The following MAPKAP1 variants were observed in gnomAD, a reference collection of about 807,000 sequenced individuals.
The protein encoded by MAPKAP1 is target of rapamycin complex 2 subunit MAPKAP1.
MAPKAP1 carries 20 observed loss-of-function variants against 65.7 expected under a neutral mutation model. That is an observed-to-expected ratio of 0.30 (90% CI 0.21 to 0.44). The LOEUF is 0.44. MAPKAP1 is among the 20% of genes least tolerant of loss of function. The pLI is 1.00. For synonymous variants in MAPKAP1, 222 were observed against 244.3 expected (o/e 0.91, Z 0.85); for missense variants, 423 against 648.0 (o/e 0.65, Z 3.77).
intron 7 of MAPKAP1, among the ~76,000 whole-genome samples, chr9:125,518,815 G>A (rs1377252895): frequency 6.6e-6 from 1 of 152,200 alleles, no homozygotes; most frequent in Non-Finnish European, 1.5e-5. Flanking sequence ...TAGGTGCACT[G>A]ATATGTGGAT....
chr9:125,529,177 G>GAAAAAAAAAAAAAAAAAAAAA (rs764136309), intron 7 of MAPKAP1, among the ~76,000 whole-genome samples: 1 of 99,760 alleles, frequency 1.0e-5, no homozygotes, highest in Admixed American at 1.1e-4. Context: ...TCTATCTCAG[G>GAAAAAAAAAAAAAAAAAAAAA]AAAAAAAAAA....
intron 4 of MAPKAP1, among the ~76,000 whole-genome samples, chr9:125,604,741 G>A (rs1245876035): frequency 3.9e-5 from 6 of 152,170 alleles, no homozygotes; most frequent in South Asian, 2.1e-4. Flanking sequence ...GTACGTACTC[G>A]TGCTTGTGTG....
chr9:125,607,099 T>C (rs1832459715), intron 4 of MAPKAP1, among the ~76,000 whole-genome samples: 1 of 152,196 alleles, frequency 6.6e-6, no homozygotes, highest in Non-Finnish European at 1.5e-5. Context: ...TGAAATGGCA[T>C]AGTAGATACT....
chr9:125,478,748 C>T (rs1239400761), intron 9 of MAPKAP1, among the ~76,000 whole-genome samples: 1 of 152,180 alleles, frequency 6.6e-6, no homozygotes, highest in Non-Finnish European at 1.5e-5. Context: ...TATCTGATGA[C>T]TGAGGTGTGG....
intron 8 of MAPKAP1, among the ~76,000 whole-genome samples, chr9:125,493,411 A>G (rs1263272436): frequency 1.3e-5 from 2 of 152,202 alleles, no homozygotes; most frequent in African/African-American, 2.4e-5. Flanking sequence ...TCTGGTAAGT[A>G]TCTTACATGG....
chr9:125,642,136 T>C (rs1357343795), intron 4 of MAPKAP1, among the ~76,000 whole-genome samples: 1 of 149,294 alleles, frequency 6.7e-6, no homozygotes, highest in African/African-American at 2.5e-5. Context: ...GCCCAGGAAG[T>C]CAAGGCTGTA....
intron 7 of MAPKAP1, among the ~76,000 whole-genome samples, chr9:125,516,232 T>C (rs1158179385): frequency 6.6e-6 from 1 of 152,204 alleles, no homozygotes; most frequent in Non-Finnish European, 1.5e-5. Flanking sequence ...GATGAGAGTA[T>C]TGGGGAAATT....
At chr9:125,657,847 A>T (rs1175405225) in intron 3 of MAPKAP1, 48 bp from the exon 4 acceptor site, 1 of 1,574,996 alleles carries the variant, frequency 6.3e-7, no homozygotes, top group Non-Finnish European at 8.7e-7. Flanking sequence ...CACAGAGACA[A>T]CTTGTCCACC....
intron 4 of MAPKAP1, among the ~76,000 whole-genome samples, chr9:125,591,400 C>G (rs1459889891): frequency 6.6e-6 from 1 of 152,102 alleles, no homozygotes; most frequent in African/African-American, 2.4e-5. Context: ...AGGGCAGTCA[C>G]CACTGTTTAG....
Position 125,439,159 on chromosome 9 carries a change from G to T in MAPKAP1, c.1444-147C>A. 1 of 839,822 alleles carries T rather than the reference G, an allele frequency of 1.2e-6. No individual in the cohort carries two copies. The allele number at this position is 839,822 out of a possible 1,614,324, so 52.0% of individuals were successfully genotyped here. A position where few individuals can be genotyped will look rare whatever the true frequency, so the allele number is the denominator to read the frequency against. The stretch of plus-strand genomic sequence containing the variant: ...GTGTGGAAGGAGTCCAGTCATCACA[G>T]CAACCTGGCAGCGGCTGGGCCCAGA... On this transcript the variant is annotated intron_variant, in intron 11 of 11. Coordinates refer to ENST00000265960, the MANE Select transcript of MAPKAP1 (RefSeq NM_001006617.3). The surrounding 1 kb of genome is among the most constrained non-coding windows in gnomAD (Gnocchi z 4.0).
chr9:125,614,866 C>A (rs915930485), intron 4 of MAPKAP1, among the ~76,000 whole-genome samples: 9 of 152,076 alleles, frequency 5.9e-5, no homozygotes, highest in Admixed American at 5.9e-4. Context: ...ATATCAGAAG[C>A]AAGACAATTT....
At chr9:125,635,971 A>G (rs1012757544) in intron 4 of MAPKAP1, among the ~76,000 whole-genome samples, 2 of 152,214 alleles carry the variant, frequency 1.3e-5, no homozygotes, top group African/African-American at 2.4e-5. Context: ...ATATGGCTCA[A>G]CTAGAGCAGC....
chr9:125,621,757 C>T (rs1832906363), intron 4 of MAPKAP1, among the ~76,000 whole-genome samples: 2 of 152,204 alleles, frequency 1.3e-5, no homozygotes, highest in Non-Finnish European at 2.9e-5. Flanking sequence ...ACTTCTTATA[C>T]CCCATAACTA....
intron 9 of MAPKAP1, among the ~76,000 whole-genome samples, chr9:125,478,385 T>C (rs2133018291): frequency 6.6e-6 from 1 of 152,304 alleles, no homozygotes; most frequent in Non-Finnish European, 1.5e-5. Flanking sequence ...TGGAGTACAA[T>C]GGCACGATCC....
chr9:125,536,767 C>A lies in MAPKAP1; in HGVS notation c.958+6292G>T, dbSNP rs115329823. On this transcript the variant is annotated intron_variant, in intron 7 of 11. Transcript: ENST00000265960. ...TGTTCAACCCTATAGCCAGAAGATT[C>A]TTTAGCTTACATTAGCCTTCAGAGG... Among the ~76,000 whole-genome samples the A allele has an allele frequency of 6.4e-3, 973 of 152,316 alleles. 15 individuals are homozygous for A. Among genetic ancestry groups the A allele is most frequent in the African/African-American group, 0.023 (944 of 41,566 alleles).
At chr9:125,514,905 C>T (rs1483721636) in intron 7 of MAPKAP1, among the ~76,000 whole-genome samples, 1 of 152,112 alleles carries the variant, frequency 6.6e-6, no homozygotes, top group Non-Finnish European at 1.5e-5. Context: ...CGTATCAGAG[C>T]TCGGACCCAA....
Position 125,616,272 on chromosome 9 carries a change from C to A in MAPKAP1, c.499-30545G>T, listed in dbSNP as rs750130913. Among the ~76,000 whole-genome samples, 60 of 152,128 alleles carry A rather than the reference C, an allele frequency of 3.9e-4. 1 individual carries two copies. Among genetic ancestry groups the A allele is most frequent in the Non-Finnish European group, 1.3e-4 (9 of 68,036 alleles). On this transcript the variant is annotated intron_variant, in intron 4 of 11. Transcript: ENST00000265960. The stretch of plus-strand genomic sequence containing the variant: ...TATTTAACTATAAAAACTTTAAATA[C>A]AATTTGGGAAAATAACTTTATAATC...
At chr9:125,637,310 T>G (rs981097430) in intron 4 of MAPKAP1, among the ~76,000 whole-genome samples, 1 of 151,826 alleles carries the variant, frequency 6.6e-6, no homozygotes, top group Non-Finnish European at 1.5e-5. Context: ...AAAAGTATAA[T>G]GTAAATGATG....
chr9:125,498,639 A>T (rs554258535), intron 8 of MAPKAP1, among the ~76,000 whole-genome samples: 7 of 152,370 alleles, frequency 4.6e-5, no homozygotes, highest in African/African-American at 1.7e-4. Context: ...ATTATGCCAC[A>T]TTCCTCCTTG....
Sources: gnomAD v4.1 joint callset for allele counts (sites outside exome capture counted in the v4.1 genomes callset) on GRCh38, gnomAD v4.1.1 for gene constraint, Gnocchi (gnomAD v3.1) non-coding constraint, MANE v1.5 for transcripts, NCBI Gene and HGNC (gene_info 2026-07-23, HGNC 2026-07-21) for gene names.